The following LGR4 variants were observed in gnomAD, a reference collection of about 807,000 sequenced individuals.
LGR4 encodes leucine-rich repeat-containing G protein-coupled receptor 4.
Under a neutral mutation model 84.8 loss-of-function variants are expected in LGR4, and 44 were observed. The ratio of observed to expected loss-of-function variants is 0.52; its 90% CI spans 0.41 to 0.67. The LOEUF (loss-of-function observed/expected upper bound fraction) is 0.67. LGR4 is among the 30% of genes least tolerant of loss of function. The pLI is 0.00. For synonymous variants in LGR4, 429 were observed against 434.3 expected, an observed-to-expected ratio of 0.99 and a Z score of 0.15; for missense variants, 1,032 against 1,131.4, an observed-to-expected ratio of 0.91 and a Z score of 1.26.
intron 1 of LGR4, among the ~76,000 whole-genome samples, chr11:27,453,061 T>A (rs968675885): frequency 6.6e-6 from 1 of 151,944 alleles, no homozygotes. Context: ...GTTGTCACTA[T>A]GGGGTAGGGA....
At chr11:27,408,398 G>A (rs1434136469) in intron 2 of LGR4, among the ~76,000 whole-genome samples, 1 of 152,128 alleles carries the variant, frequency 6.6e-6, no homozygotes, top group African/African-American at 2.4e-5. Flanking sequence ...CATATAGTGT[G>A]CATTAAACAA....
intron 1 of LGR4, among the ~76,000 whole-genome samples, chr11:27,415,914 T>G (rs1863808132): frequency 6.6e-6 from 1 of 152,084 alleles, no homozygotes; most frequent in Non-Finnish European, 1.5e-5. Context: ...AAAGAGAATC[T>G]GAAGTACACA....
chr11:27,419,720 G>T (rs1226089040), intron 1 of LGR4, among the ~76,000 whole-genome samples: 1 of 150,704 alleles, frequency 6.6e-6, no homozygotes, highest in East Asian at 1.9e-4. Context: ...AGAAATTTTG[G>T]TATGTCTATA....
At chr11:27,388,603 T>G (rs564203438) in intron 4 of LGR4, among the ~76,000 whole-genome samples, 1 of 152,280 alleles carries the variant, frequency 6.6e-6, no homozygotes, top group African/African-American at 2.4e-5. Flanking sequence ...AAGCCTATTT[T>G]ACAATTGACT....
intron 1 of LGR4, among the ~76,000 whole-genome samples, chr11:27,461,529 T>C (rs1423671590): frequency 2.0e-5 from 3 of 152,118 alleles, no homozygotes; most frequent in Non-Finnish European, 4.4e-5. Flanking sequence ...ATCAAGCTTG[T>C]CCAACCCACA....
In LGR4 at chr11:27,367,921, A is replaced by T. The variant is rs1590338012; in HGVS notation, c.2802T>A (p.Ser934Arg). ...CATAGCGCACCAAAGGGAATCCTCT[A>T]CTCTGGTAGAAGCAGGCTCGTCCAC... ...QACGRACFYQ[S>R]RGFPLVRYAY... Residue 934 changes from serine (S) to arginine (R), a missense_variant, in exon 18 of 18, where the codon AGT becomes AGA. Physicochemically the swap from Ser to Arg is moderately radical, Grantham distance 110. Coordinates refer to ENST00000379214, the MANE Select transcript of LGR4 (RefSeq NM_018490.5). 2.5e-6 allele frequency: 4 copies of T among 1,611,754 alleles called. No individual in the cohort carries two copies. Among genetic ancestry groups the T allele is most frequent in the Non-Finnish European group, 1.7e-6 (2 of 1,179,390 alleles).
chr11:27,471,996 C>T (rs928784848), intron 1 of LGR4, 122 bp downstream of exon 1: 11 of 664,246 alleles, frequency 1.7e-5, no homozygotes, highest in Middle Eastern at 5.1e-4. Flanking sequence ...CGGACCCCCT[C>T]CCCAGGCCCG....
At chr11:27,457,507 C>T (rs1157533602) in intron 1 of LGR4, among the ~76,000 whole-genome samples, 1 of 152,200 alleles carries the variant, frequency 6.6e-6, no homozygotes, top group Non-Finnish European at 1.5e-5. Context: ...CAGTTTTTAA[C>T]AGCTTTTGCT....
intron 1 of LGR4, among the ~76,000 whole-genome samples, chr11:27,450,022 G>A (rs954327330): frequency 6.6e-6 from 1 of 152,180 alleles, no homozygotes; most frequent in Non-Finnish European, 1.5e-5. Context: ...ACATCTCCCT[G>A]AAAAACGCTT....
intron 1 of LGR4, among the ~76,000 whole-genome samples, chr11:27,459,633 C>T (rs1228895024): frequency 5.3e-5 from 8 of 152,152 alleles, no homozygotes; most frequent in Non-Finnish European, 1.5e-5. Flanking sequence ...CCCACCACTG[C>T]ACCTGCCTAA....
At chr11:27,466,254 A>G (rs1565102795) in intron 1 of LGR4, among the ~76,000 whole-genome samples, 1 of 152,202 alleles carries the variant, frequency 6.6e-6, no homozygotes, top group Non-Finnish European at 1.5e-5. Flanking sequence ...ATCTTTTTTT[A>G]ATAGAGAAAA....
Position 27,373,613 on chromosome 11 carries a change from C to T in LGR4, c.1317G>A (p.Leu439=). The T allele has an allele frequency of 6.2e-7, 1 of 1,603,064 alleles. No homozygotes were observed. The highest frequency in any genetic ancestry group is 1.7e-5 in the Admixed American group (1 of 59,610). ...PTEGLNGLNQ[L]KLVGNFKLKE... is the part of the protein sequence containing the mutation. ...TCAGCTTGAAGTTGCCCACAAGTTT[C>T]AGTTGATTTAGCCCATTCAGGCCTT... The change falls in exon 15 of 18, where the codon CTG becomes CTA. Residue 439 remains leucine (L), a synonymous_variant. Coordinates refer to ENST00000379214, the MANE Select transcript of LGR4 (RefSeq NM_018490.5).
intron 2 of LGR4, among the ~76,000 whole-genome samples, chr11:27,406,530 A>G (rs192322154): frequency 1.3e-5 from 2 of 152,188 alleles, no homozygotes; most frequent in Admixed American, 1.3e-4. Flanking sequence ...AAACAAAACA[A>G]TGTTTTCTAG....
At position 27,380,329 on chromosome 11, in the gene LGR4, C is replaced by T; in HGVS notation, c.913G>A (p.Gly305Ser). The change falls in exon 10 of 18, where the codon GGT becomes AGT. Residue 305 changes from glycine to serine, a missense_variant. Gly to Ser is a moderately conservative substitution (Grantham distance 56). Transcript: ENST00000379214. ...GGGAACTGCTGCACCATGCTTGCAC[C>T]ACGAATGACTCTTTATGAAATTGAG... ...LSDLHSLVIRGASMVQQFPNL... is the reference protein window; with the variant it reads ...LSDLHSLVIRSASMVQQFPNL... The T allele has an allele frequency of 6.2e-7, 1 of 1,609,058 alleles. No homozygotes were observed. The highest frequency in any genetic ancestry group is 8.5e-7 in the Non-Finnish European group (1 of 1,177,256).
intron 13 of LGR4, among the ~76,000 whole-genome samples, chr11:27,375,954 T>A (rs1862969620): frequency 6.6e-6 from 1 of 152,042 alleles, no homozygotes; most frequent in Non-Finnish European, 1.5e-5. Context: ...CTAAAAATAA[T>A]ATTTATTGAA....
intron 1 of LGR4, among the ~76,000 whole-genome samples, chr11:27,468,764 G>C (rs761335687): frequency 6.6e-6 from 1 of 151,486 alleles, no homozygotes; most frequent in Non-Finnish European, 1.5e-5. Flanking sequence ...GCATAGTAAA[G>C]CTATGATCAA....
rs1863660512 is a variant in LGR4, at chr11:27,408,923, T to C, written c.257+3866A>G. On this transcript the variant is annotated intron_variant, in intron 2 of 17. Transcript: ENST00000379214. ...AATAGGAAAGTAAAGTGCAAAGATTTCAGAACCTTTCATGTACTGAATTTG... is the reference window on the plus strand; with the variant it reads ...AATAGGAAAGTAAAGTGCAAAGATTCCAGAACCTTTCATGTACTGAATTTG... 2.0e-5 allele frequency among the ~76,000 whole-genome samples: 3 copies of C among 152,236 alleles called. No individual in the cohort carries two copies. In the South Asian group the frequency reaches 6.2e-4, roughly 32 times the overall value.
intron 1 of LGR4, among the ~76,000 whole-genome samples, chr11:27,446,257 T>TC (rs1864388377): frequency 6.6e-6 from 1 of 152,260 alleles, no homozygotes. Context: ...GATGGTAGTT[T>TC]CTTTTGCTGT....
intron 1 of LGR4, among the ~76,000 whole-genome samples, chr11:27,457,001 C>G (rs1864586553): frequency 6.6e-6 from 1 of 152,040 alleles, no homozygotes; most frequent in African/African-American, 2.4e-5. Flanking sequence ...CTCATTTCAC[C>G]TGTTCCTCTT....
Sources: allele counts gnomAD v4.1 joint callset (sites outside exome capture counted in the v4.1 genomes callset), GRCh38; gene constraint gnomAD v4.1.1; transcripts MANE v1.5; gene names NCBI Gene and HGNC (gene_info 2026-07-23, HGNC 2026-07-21).